DNAJC1: variants seen among roughly 807,000 people sequenced by gnomAD.
DNAJC1 encodes the protein dnaJ homolog subfamily C member 1.
In DNAJC1, 58 loss-of-function variants were observed where a neutral mutation model predicts 76.6. That is an observed-to-expected ratio of 0.76 (90% CI 0.61 to 0.94). The LOEUF (loss-of-function observed/expected upper bound fraction) is 0.94, where lower values mean the gene tolerates loss of function less well. DNAJC1 is among the 40% of genes least tolerant of loss of function. The probability of loss-of-function intolerance (pLI) is 0.00; values close to 1 mark genes in which losing one functional copy is unlikely to be tolerated. For missense variants in DNAJC1, 689 were observed against 677.3 expected (o/e 1.02, Z -0.19); for synonymous variants, 258 against 267.9 (o/e 0.96, Z 0.36).
intron 7 of DNAJC1, among the ~76,000 whole-genome samples, chr10:21,898,825 C>T (rs1836593341): frequency 6.6e-6 from 1 of 150,510 alleles, no homozygotes; most frequent in Admixed American, 6.6e-5. Context: ...GAGAGTATTC[C>T]TTCTACTTAC....
intron 7 of DNAJC1, among the ~76,000 whole-genome samples, chr10:21,887,909 T>C (rs1441053466): frequency 3.3e-5 from 5 of 152,154 alleles, no homozygotes; most frequent in Admixed American, 1.3e-4. Context: ...TAAGAGCTTC[T>C]GCACAGCATA....
rs149781343 is a variant in DNAJC1, at chr10:22,000,622, T to C, written c.222+2591A>G. Among the ~76,000 whole-genome samples the C allele has an allele frequency of 4.9e-3, 746 of 152,380 alleles. 4 individuals carry two copies. The highest frequency in any genetic ancestry group is 7.9e-3 in the Non-Finnish European group (538 of 68,036). ...TCTACCATGCTATGGTCTGAATGTT[T>C]TTGTCCTTCGAAATTCTTATGTTGA... is the stretch of plus-strand genomic sequence containing the variant. On this transcript the variant is annotated intron_variant, in intron 1 of 11. Coordinates refer to ENST00000376980, the MANE Select transcript of DNAJC1 (RefSeq NM_022365.4).
intron 9 of DNAJC1, among the ~76,000 whole-genome samples, chr10:21,780,139 G>A (rs545026375): frequency 2.2e-4 from 34 of 152,276 alleles, no homozygotes; most frequent in African/African-American, 5.3e-4. Flanking sequence ...TGAAAGTGAC[G>A]GGGACAATGG....
At chr10:21,807,468 T>C (rs1173847570) in intron 8 of DNAJC1, among the ~76,000 whole-genome samples, 1 of 152,204 alleles carries the variant, frequency 6.6e-6, no homozygotes, top group African/African-American at 2.4e-5. Context: ...TTTCACCATG[T>C]CCAAATGGCA....
intron 9 of DNAJC1, among the ~76,000 whole-genome samples, chr10:21,770,117 G>A (rs181154975): frequency 6.7e-4 from 102 of 152,160 alleles, no homozygotes; most frequent in African/African-American, 2.4e-3. Flanking sequence ...CTTCCCCAAC[G>A]AGTTGCTTCA....
At chr10:21,825,396 C>T (rs1332691330) in intron 8 of DNAJC1, among the ~76,000 whole-genome samples, 4 of 152,144 alleles carry the variant, frequency 2.6e-5, no homozygotes, top group Admixed American at 2.6e-4. Context: ...GAATAACGTT[C>T]CGTTGTATGT....
chr10:21,771,410 T>C (rs1354935539), intron 9 of DNAJC1, among the ~76,000 whole-genome samples: 2 of 152,260 alleles, frequency 1.3e-5, no homozygotes, highest in Non-Finnish European at 2.9e-5. Context: ...TTGTGGGTTT[T>C]TAGTATGGTC....
intron 10 of DNAJC1, 74 bp from the exon 11 acceptor site, chr10:21,759,692 G>A (rs1024403338): frequency 2.3e-5 from 33 of 1,437,888 alleles, no homozygotes; most frequent in African/African-American, 1.4e-4. Context: ...AGCAGCTGCC[G>A]GGCACAGAGC....
chr10:21,910,604 T>C (rs976661855), intron 6 of DNAJC1, among the ~76,000 whole-genome samples: 1 of 151,722 alleles, frequency 6.6e-6, no homozygotes, highest in Non-Finnish European at 1.5e-5. Flanking sequence ...AAGTGGGAGC[T>C]GAAAAATGAG....
intron 7 of DNAJC1, among the ~76,000 whole-genome samples, chr10:21,891,476 C>CAAAAAAAAAAAAAAAAAAAGAAAAA (rs1554894555): frequency 7.2e-3 from 271 of 37,738 alleles, no homozygotes; most frequent in Non-Finnish European, 9.7e-3. Context: ...ACAAAGTAGA[C>CAAAAAAAAAAAAAAAAAAAGAAAAA]AAAAAAAAAA....
In DNAJC1 at chr10:21,843,114, A is replaced by T. The variant is rs1409325966; in HGVS notation, c.979-37015T>A. Among the ~76,000 whole-genome samples, 5 of 152,280 alleles carry T rather than the reference A, an allele frequency of 3.3e-5. No homozygotes were observed. In the East Asian group the frequency reaches 9.6e-4, roughly 29 times the overall value. Reference sequence around the variant, plus strand: ...TATAAAATCCTTGAAAACAAATATTATTTGGAATTGAGGAAAAATGTCTCA... The same window carrying T: ...TATAAAATCCTTGAAAACAAATATTTTTTGGAATTGAGGAAAAATGTCTCA... On this transcript the variant is annotated intron_variant, in intron 8 of 11. Transcript: ENST00000376980.
intron 8 of DNAJC1, among the ~76,000 whole-genome samples, chr10:21,823,917 A>G (rs1186719097): frequency 6.6e-6 from 1 of 152,192 alleles, no homozygotes; most frequent in Non-Finnish European, 1.5e-5. Context: ...ATAAAAAAAT[A>G]AAGTGCACTG....
At position 21,835,795 on chromosome 10, in the gene DNAJC1, G is replaced by A. The variant is rs1395129534; in HGVS notation, c.979-29696C>T. Among the ~76,000 whole-genome samples, 4 of 152,194 alleles carry A rather than the reference G, an allele frequency of 2.6e-5. No homozygotes were observed. In the East Asian group the frequency reaches 5.8e-4, roughly 22 times the overall value. ...TACATAAAAAAGAATGAAAAGAAAC[G>A]AACAAAGCCTCCAAGAAATATGGGA... is the stretch of plus-strand genomic sequence containing the variant. On this transcript the variant is annotated intron_variant, in intron 8 of 11. Coordinates refer to ENST00000376980, the MANE Select transcript of DNAJC1 (RefSeq NM_022365.4).
chr10:21,881,232 CA>C (rs1836270174), intron 8 of DNAJC1, among the ~76,000 whole-genome samples: 1 of 152,216 alleles, frequency 6.6e-6, no homozygotes, highest in Non-Finnish European at 1.5e-5. Context: ...CCAGACTACT[CA>C]AACTTTCTCC....
intron 8 of DNAJC1, among the ~76,000 whole-genome samples, chr10:21,813,092 C>CAAATATATATATATAT: frequency 1.4e-5 from 1 of 72,244 alleles, no homozygotes; most frequent in Admixed American, 1.4e-4. Flanking sequence ...TATATACACA[C>CAAATATATATATATAT]ACACATATAT....
intron 8 of DNAJC1, among the ~76,000 whole-genome samples, chr10:21,817,937 G>T (rs11012795): frequency 2.6e-5 from 4 of 152,162 alleles, no homozygotes; most frequent in Non-Finnish European, 4.4e-5. Context: ...TGTCACCTCA[G>T]GACCATGTGA....
At chr10:21,779,278 A>C (rs970272485) in intron 9 of DNAJC1, among the ~76,000 whole-genome samples, 2 of 152,184 alleles carry the variant, frequency 1.3e-5, no homozygotes, top group Non-Finnish European at 2.9e-5. Context: ...TTGAGATATG[A>C]AAACAGACAG....
intron 7 of DNAJC1, among the ~76,000 whole-genome samples, chr10:21,889,246 G>A (rs1170245629): frequency 1.3e-5 from 2 of 152,082 alleles, no homozygotes; most frequent in Non-Finnish European, 2.9e-5. Flanking sequence ...TTTTAAACAA[G>A]CAGATCTCAT....
At chr10:21,816,661 T>C (rs1329249359) in intron 8 of DNAJC1, among the ~76,000 whole-genome samples, 1 of 149,652 alleles carries the variant, frequency 6.7e-6, no homozygotes, top group Non-Finnish European at 1.5e-5. Context: ...TTCTCCTGCC[T>C]CAGGCTCCCG....
Sources: gnomAD v4.1 joint callset for allele counts (sites outside exome capture counted in the v4.1 genomes callset) on GRCh38, gnomAD v4.1.1 for gene constraint, MANE v1.5 for transcripts, NCBI Gene and HGNC (gene_info 2026-07-23, HGNC 2026-07-21) for gene names.